PTPRA: variants seen among roughly 807,000 people sequenced by gnomAD.
PTPRA encodes receptor-type tyrosine-protein phosphatase alpha.
Under a neutral mutation model 104.8 loss-of-function variants are expected in PTPRA, and 25 were observed. That is an observed-to-expected ratio of 0.24 (90% CI 0.17 to 0.33). The LOEUF (loss-of-function observed/expected upper bound fraction) is 0.33. Among genes scored for constraint, PTPRA ranks in the 10% least tolerant of loss-of-function variants. The pLI, the probability that PTPRA is intolerant of heterozygous loss-of-function variation, is 1.00. For missense variants in PTPRA, 765 were observed against 1,015.3 expected, an observed-to-expected ratio of 0.75 and a Z score of 3.35; for synonymous variants, 323 against 368.9, an observed-to-expected ratio of 0.88 and a Z score of 1.43.
At chr20:2,867,060 C>T in the PTPRA span, among the ~76,000 whole-genome samples, 1 of 152,360 alleles carries the variant, frequency 6.6e-6, no homozygotes, top group South Asian at 2.1e-4. Context: ...CTTTATTCCT[C>T]GTGACAGCCC....
intron 2 of PTPRA, among the ~76,000 whole-genome samples, chr20:2,942,116 T>G (rs1353774058): frequency 6.6e-6 from 1 of 152,210 alleles, no homozygotes; most frequent in Non-Finnish European, 1.5e-5. Context: ...ATGATTGCCT[T>G]TTTAAAGAAA....
chr20:3,004,860 T>A (rs964517013), intron 9 of PTPRA, among the ~76,000 whole-genome samples, 196 bp from the exon 10 acceptor site: 1 of 152,222 alleles, frequency 6.6e-6, no homozygotes, highest in Non-Finnish European at 1.5e-5. Flanking sequence ...CTTGTGTTGT[T>A]GAACTCTAAG....
intron 2 of PTPRA, among the ~76,000 whole-genome samples, chr20:2,941,340 C>G (rs923710738): frequency 6.6e-6 from 1 of 152,108 alleles, no homozygotes. Flanking sequence ...CTCTTTTCCT[C>G]TGTTATCTGA....
intron 9 of PTPRA, 65 bp from the exon 10 acceptor site, chr20:3,004,991 C>A: frequency 7.2e-7 from 1 of 1,398,266 alleles, no homozygotes; most frequent in Middle Eastern, 1.8e-4. Context: ...GGGTTTGGTG[C>A]AGCAGTTTGC....
chr20:2,880,177 A>G (rs1286139141), intron 1 of PTPRA, among the ~76,000 whole-genome samples: 1 of 152,244 alleles, frequency 6.6e-6, no homozygotes, highest in African/African-American at 2.4e-5. Context: ...ATTGTTAAAA[A>G]GTTCACTGTG....
chr20:2,891,394 C>T (rs1031537512), intron 1 of PTPRA, among the ~76,000 whole-genome samples: 9 of 152,132 alleles, frequency 5.9e-5, no homozygotes, highest in African/African-American at 1.7e-4. Context: ...GTAGCCTTAT[C>T]TTTTCTCTGA....
chr20:3,016,027 A>G (rs2064430051), intron 12 of PTPRA, 142 bp downstream of exon 12: 2 of 793,852 alleles, frequency 2.5e-6, no homozygotes, highest in Non-Finnish European at 4.0e-6. Context: ...ATTATAATCC[A>G]TTATACAGGT....
At position 2,910,405 on chromosome 20, in the gene PTPRA, T is replaced by TA. The variant is rs1568649918; in HGVS notation, c.-128-12802_-128-12801insA. ...ATTATATATTTTATATATAATATATTTTGTATATTATATAATATATAAAAT... is the reference window on the plus strand; with the variant it reads ...ATTATATATTTTATATATAATATATTATTGTATATTATATAATATATAAAAT... On this transcript the variant is annotated intron_variant, in intron 1 of 23. Coordinates refer to ENST00000399903, the MANE Select transcript of PTPRA (RefSeq NM_001385305.1). 2.8e-4 allele frequency among the ~76,000 whole-genome samples: 14 copies of TA among 49,270 alleles called. 2 individuals are homozygous for TA. Among genetic ancestry groups the TA allele is most frequent in the African/African-American group, 2.1e-3 (13 of 6,110 alleles). 32.3% of individuals were successfully genotyped at this position (49,270 alleles called of 152,430 possible).
At chr20:3,011,241 G>C (rs931829523) in intron 11 of PTPRA, among the ~76,000 whole-genome samples, 2 of 152,200 alleles carry the variant, frequency 1.3e-5, no homozygotes, top group Non-Finnish European at 2.9e-5. Context: ...AGGAACAAAA[G>C]CAGGGAAAAA....
chr20:2,910,150 ACT>A (rs2147208019), intron 1 of PTPRA, among the ~76,000 whole-genome samples: 1 of 95,002 alleles, frequency 1.1e-5, no homozygotes, highest in Non-Finnish European at 2.0e-5. Context: ...CATCATATAT[ACT>A]ATACGTCATA....
At chr20:2,865,029 A>C in the PTPRA span, 1 of 1,614,044 alleles carries the variant, frequency 6.2e-7, no homozygotes, top group East Asian at 2.2e-5. This position sits in a 1 kb window ranked among gnomAD's most constrained non-coding sequence, Gnocchi z 5.2. Flanking sequence ...TGCCTTCTAC[A>C]AGGCCAAGAA....
At chr20:3,003,050 T>C (rs1042932545) in intron 9 of PTPRA, among the ~76,000 whole-genome samples, 1 of 152,234 alleles carries the variant, frequency 6.6e-6, no homozygotes, top group African/African-American at 2.4e-5. Context: ...GAGACCCACC[T>C]GTAATCCAAA....
At chr20:3,030,857 C>T (rs1429188223) in intron 20 of PTPRA, among the ~76,000 whole-genome samples, 5 of 151,580 alleles carry the variant, frequency 3.3e-5, no homozygotes, top group Admixed American at 2.6e-4. Context: ...AGCTAATTTC[C>T]ATAGTAGAGA....
chr20:3,001,464 T>C (rs1342199799), intron 9 of PTPRA, among the ~76,000 whole-genome samples: 1 of 152,170 alleles, frequency 6.6e-6, no homozygotes, highest in African/African-American at 2.4e-5. Context: ...TTTTCAAGAG[T>C]CTTGCTGTCC....
chr20:2,899,228 G>A (rs2059135451), intron 1 of PTPRA, among the ~76,000 whole-genome samples: 3 of 152,180 alleles, frequency 2.0e-5, no homozygotes, highest in Non-Finnish European at 4.4e-5. Context: ...CCTAGCTAGA[G>A]TGAGATAGAG....
At chr20:3,000,719 A>G (rs2063588809) in intron 9 of PTPRA, among the ~76,000 whole-genome samples, 1 of 152,192 alleles carries the variant, frequency 6.6e-6, no homozygotes, top group African/African-American at 2.4e-5. Flanking sequence ...AGCAGCCAGG[A>G]TGAATCTTAG....
At chr20:3,015,906 TTC>T in intron 12 of PTPRA, 21 bp downstream of exon 12, 1 of 1,545,744 alleles carries the variant, frequency 6.5e-7, no homozygotes. Context: ...GACAACTTTT[TTC>T]TGTTAGATTT....
intron 5 of PTPRA, 36 bp from the exon 6 acceptor site, chr20:2,975,179 C>G: frequency 6.5e-7 from 1 of 1,535,366 alleles, no homozygotes; most frequent in African/African-American, 1.4e-5. Context: ...TTTCTTTAAC[C>G]TGAATGAATG....
intron 1 of PTPRA, among the ~76,000 whole-genome samples, chr20:2,904,309 A>G (rs886349944): frequency 6.6e-6 from 1 of 152,196 alleles, no homozygotes; most frequent in African/African-American, 2.4e-5. Flanking sequence ...GAGAGTGCAA[A>G]TTAACGAGAA....
Sources: allele counts gnomAD v4.1 joint callset (sites outside exome capture counted in the v4.1 genomes callset), GRCh38; gene constraint gnomAD v4.1.1; non-coding constraint Gnocchi (gnomAD v3.1); transcripts MANE v1.5; gene names NCBI Gene and HGNC (gene_info 2026-07-23, HGNC 2026-07-21).